Variants in TMEM89 observed in about 807,000 individuals in gnomAD.
TMEM89 encodes the protein transmembrane protein 89.
A neutral mutation model predicts 9.3 loss-of-function variants in TMEM89; 4 were observed. That is an observed-to-expected ratio of 0.43 (90% CI 0.21 to 0.98). TMEM89 has a LOEUF of 0.98. TMEM89 is among the 50% of genes least tolerant of loss of function. The pLI, the probability that TMEM89 is intolerant of heterozygous loss-of-function variation, is 0.27. For missense variants in TMEM89, 220 were observed against 214.7 expected (o/e 1.02, Z -0.15); for synonymous variants, 96 against 92.5 (o/e 1.04, Z -0.21).
intron 1 of TMEM89, 96 bp from the exon 2 acceptor site, chr3:48,621,123 G>A (rs2046535907): frequency 7.9e-7 from 1 of 1,272,286 alleles, no homozygotes; most frequent in Middle Eastern, 2.6e-4. Context: ...GGAGTAGGGT[G>A]TGGGGCAGTG....
Position 48,621,642 on chromosome 3 carries a change from C to G in TMEM89, c.115G>C (p.Gly39Arg), listed in dbSNP as rs750527987. The G allele has an allele frequency of 3.7e-6, 6 of 1,613,990 alleles. No individual in the cohort carries two copies. Among genetic ancestry groups the G allele is most frequent in the Non-Finnish European group, 5.1e-6 (6 of 1,179,994 alleles). Residue 39 changes from glycine (G) to arginine (R), a missense_variant, in exon 1 of 2, where the codon GGG (glycine) becomes CGG (arginine). Coordinates refer to ENST00000330862, the MANE Select transcript of TMEM89 (RefSeq NM_001008269.3). ...YQVGLDLQPW[G>R]CQPKSVEGCR... is the part of the protein sequence containing the mutation. ...CCCTCCACACTCTTTGGCTGACACC[C>G]CCAGGGCTGCAAGTCCAGCCCCACC...
In TMEM89 at chr3:48,621,032, G is replaced by C; in HGVS notation, c.295-5C>G. ...CTCAGTGGTCACCTGCGGATGCTGA[G>C]ACCAGGACCAAGAGGCAGGAGTGAG... On this transcript the variant is annotated splice_region_variant and splice_polypyrimidine_tract_variant and intron_variant, in intron 1 of 1. Coordinates refer to ENST00000330862, the MANE Select transcript of TMEM89 (RefSeq NM_001008269.3). The C allele has an allele frequency of 1.9e-6, 3 of 1,612,544 alleles. No individual in the cohort carries two copies. The highest frequency in any genetic ancestry group is 2.5e-6 in the Non-Finnish European group (3 of 1,178,850).
rs9834639 is a variant in TMEM89 at position 48,621,576 on chromosome 3, G to T, written c.181C>A (p.Pro61Thr). The T allele has an allele frequency of 0.078, 126,525 of 1,613,614 alleles. 6,292 individuals carry two copies. The highest frequency in any genetic ancestry group is 0.24 in the African/African-American group (18,300 of 74,936). ...ACGGGGTAGATGCGGCTTGCTCCAG[G>T]GCCCAGCCAGTAGCCAGGACAGCTC... Reference protein sequence around the residue: ...GLSCPGYWLGPGASRIYPVAA... With the variant: ...GLSCPGYWLGTGASRIYPVAA... The change falls in exon 1 of 2, where the codon CCT becomes ACT. Residue 61 changes from proline to threonine, a missense_variant. Transcript: ENST00000330862.
chr3:48,621,398 C>T (rs967229233), intron 1 of TMEM89, 65 bp downstream of exon 1: 118 of 1,563,118 alleles, frequency 7.5e-5, no homozygotes, highest in African/African-American at 9.5e-5. Context: ...GGGTGGAAGA[C>T]GGGCTCACTG....
intron 1 of TMEM89, 106 bp from the exon 2 acceptor site, chr3:48,621,133 G>A: frequency 8.7e-7 from 1 of 1,151,748 alleles, no homozygotes; most frequent in Non-Finnish European, 1.3e-6. Flanking sequence ...GTGGGGCAGT[G>A]CCCAGATGGG....
At chr3:48,621,339 TG>T in intron 1 of TMEM89, 123 bp downstream of exon 1, 2 of 939,026 alleles carry the variant, frequency 2.1e-6, no homozygotes, top group Non-Finnish European at 1.4e-6. Flanking sequence ...GAGCTGGGGG[TG>T]GGGGTGTGGG....
intron 1 of TMEM89, 48 bp downstream of exon 1, chr3:48,621,415 C>T (rs760664212): frequency 4.9e-5 from 78 of 1,593,374 alleles, no homozygotes; most frequent in Non-Finnish European, 6.1e-5. Flanking sequence ...ACTGAGCGTA[C>T]GTATATTGAG....
Position 48,620,835 on chromosome 3 carries a change from T to C in TMEM89, c.*7A>G. The stretch of plus-strand genomic sequence containing the variant: ...AGGCTGTCAGGCAAAGAGAGGCACA[T>C]GTTCGGTCACCCACTCTGGGTGGAA... On this transcript the variant is annotated 3_prime_UTR_variant, in exon 2 of 2. Coordinates refer to ENST00000330862, the MANE Select transcript of TMEM89 (RefSeq NM_001008269.3). 1.9e-6 allele frequency: 3 copies of C among 1,613,908 alleles called. No homozygotes were observed. The highest frequency in any genetic ancestry group is 2.5e-6 in the Non-Finnish European group (3 of 1,179,858).
Position 48,620,841 on chromosome 3 carries a change from G to A in TMEM89, c.*1C>T, listed in dbSNP as rs2106637009. 1 of 1,614,138 alleles carries A rather than the reference G, an allele frequency of 6.2e-7. No individual in the cohort carries two copies. Among genetic ancestry groups the A allele is most frequent in the East Asian group, 2.2e-5 (1 of 44,888 alleles). On this transcript the variant is annotated 3_prime_UTR_variant, in exon 2 of 2. Coordinates refer to ENST00000330862, the MANE Select transcript of TMEM89 (RefSeq NM_001008269.3). ...TCAGGCAAAGAGAGGCACATGTTCG[G>A]TCACCCACTCTGGGTGGAAGTCCCC...
intron 1 of TMEM89, 119 bp from the exon 2 acceptor site, chr3:48,621,146 G>A (rs1259020830): frequency 1.9e-6 from 2 of 1,039,528 alleles, no homozygotes; most frequent in African/African-American, 3.1e-5. Flanking sequence ...CAGATGGGAT[G>A]GGAGGGAGAC....
rs374822145 is a variant in TMEM89 at position 48,621,564 on chromosome 3, G to C, written c.193C>G (p.Arg65Gly). 6.2e-7 allele frequency: 1 copy of C among 1,613,720 alleles called. No homozygotes were observed. Among genetic ancestry groups the C allele is most frequent in the Middle Eastern group, 1.7e-4 (1 of 6,054 alleles). The change falls in exon 1 of 2, where the codon CGC (arginine) becomes GGC (glycine). Residue 65 changes from arginine (R) to glycine (G), a missense_variant. Coordinates refer to ENST00000330862, the MANE Select transcript of TMEM89 (RefSeq NM_001008269.3). Reference protein sequence around the residue: ...PGYWLGPGASRIYPVAAVMIT... With the variant: ...PGYWLGPGASGIYPVAAVMIT... ...ATGACCGCAGCCACGGGGTAGATGC[G>C]GCTTGCTCCAGGGCCCAGCCAGTAG...
intron 1 of TMEM89, 94 bp from the exon 2 acceptor site, chr3:48,621,121 G>A: frequency 7.9e-7 from 1 of 1,269,240 alleles, no homozygotes; most frequent in South Asian, 1.3e-5. Flanking sequence ...AGGGAGTAGG[G>A]TGTGGGGCAG....
intron 1 of TMEM89, among the ~76,000 whole-genome samples, 197 bp downstream of exon 1, chr3:48,621,266 G>A (rs781568601): frequency 3.3e-5 from 5 of 151,860 alleles, no homozygotes; most frequent in African/African-American, 4.8e-5. Flanking sequence ...GGGGCAGGGT[G>A]CTGGCTGTGG....
chr3:48,620,988 G>A lies in TMEM89; in HGVS notation c.334C>T (p.Arg112Trp), dbSNP rs140765515. The change falls in exon 2 of 2, where the codon CGG becomes TGG. Residue 112 changes from arginine (R) to tryptophan (W), a missense_variant. Coordinates refer to ENST00000330862, the MANE Select transcript of TMEM89 (RefSeq NM_001008269.3). ...GTGTGGTCTGAGATTGGGGCCCGCCGTTTCCAGGGTCCGCAGGGCTCAGTG... is the reference window on the plus strand; with the variant it reads ...GTGTGGTCTGAGATTGGGGCCCGCCATTTCCAGGGTCCGCAGGGCTCAGTG... Reference protein sequence around the residue: ...VTTEPCGPWKRRAPISDHTLL... With the variant: ...VTTEPCGPWKWRAPISDHTLL... 4.4e-5 allele frequency: 71 copies of A among 1,614,008 alleles called. No individual in the cohort carries two copies. Among genetic ancestry groups the A allele is most frequent in the Admixed American group, 1.8e-4 (11 of 60,002 alleles).
chr3:48,621,083 A>C (rs2046535527), intron 1 of TMEM89, 56 bp from the exon 2 acceptor site: 11 of 1,575,080 alleles, frequency 7.0e-6, no homozygotes, highest in Non-Finnish European at 8.7e-6. Flanking sequence ...GGGAGATGTG[A>C]CAAGGGGCAG....
chr3:48,621,133 GC>G, intron 1 of TMEM89, 106 bp from the exon 2 acceptor site: 1 of 1,151,744 alleles, frequency 8.7e-7, no homozygotes, highest in Non-Finnish European at 1.3e-6. Flanking sequence ...GTGGGGCAGT[GC>G]CCAGATGGGA....
At chr3:48,621,365 G>A in intron 1 of TMEM89, 98 bp downstream of exon 1, 2 of 1,442,084 alleles carry the variant, frequency 1.4e-6, no homozygotes, top group Admixed American at 4.0e-5. Flanking sequence ...CCACAGGCCA[G>A]TGTGGACCCA....
chr3:48,620,933 T>C lies in TMEM89; in HGVS notation c.389A>G (p.Asp130Gly), dbSNP rs750201765. ...TLLRGVLHML[D>G]ALLVHIEGHL... ...GCCTTCGATGTGGACCAGGAGGGCA[T>C]CCAGCATGTGCAGGACCCCACGGAG... is the stretch of plus-strand genomic sequence containing the variant. Residue 130 changes from aspartate (D) to glycine (G), a missense_variant, in exon 2 of 2, where the codon GAT (aspartate) becomes GGT (glycine). Coordinates refer to ENST00000330862, the MANE Select transcript of TMEM89 (RefSeq NM_001008269.3). 9.9e-6 allele frequency: 16 copies of C among 1,614,082 alleles called. No individual in the cohort carries two copies. In the South Asian group the frequency reaches 1.2e-4, roughly 12 times the overall value.
intron 1 of TMEM89, 81 bp downstream of exon 1, chr3:48,621,382 A>AG: frequency 6.6e-7 from 1 of 1,507,624 alleles, no homozygotes; most frequent in South Asian, 1.2e-5. Context: ...CCCATGGGGC[A>AG]GGGTTGGGTG....
Sources: gnomAD v4.1 joint callset for allele counts (sites outside exome capture counted in the v4.1 genomes callset) on GRCh38, gnomAD v4.1.1 for gene constraint, MANE v1.5 for transcripts, NCBI Gene and HGNC (gene_info 2026-07-23, HGNC 2026-07-21) for gene names.